The following GLRA3 variants were observed in gnomAD, a reference collection of about 807,000 sequenced individuals.
The protein encoded by GLRA3 is glycine receptor subunit alpha-3.
In GLRA3, 44 loss-of-function variants were observed where a neutral mutation model predicts 60.4. The observed-to-expected ratio is 0.73, with a 90% CI of 0.57 to 0.94. The LOEUF (loss-of-function observed/expected upper bound fraction) is 0.94. GLRA3 is among the 40% of genes least tolerant of loss of function. The pLI is 0.00. For synonymous variants in GLRA3, 223 were observed against 192.9 expected, an observed-to-expected ratio of 1.16 and a Z score of -1.29; for missense variants, 508 against 564.6, an observed-to-expected ratio of 0.90 and a Z score of 1.02.
intron 2 of GLRA3, among the ~76,000 whole-genome samples, chr4:174,776,920 C>T (rs1370176341): frequency 1.3e-5 from 2 of 152,056 alleles, no homozygotes; most frequent in Non-Finnish European, 2.9e-5. Context: ...GTTAAAATCT[C>T]CCTAAACATT....
rs139129561 is a variant in GLRA3, at chr4:174,777,245, G to C, written c.200-10215C>G. Among the ~76,000 whole-genome samples, 451 of 152,270 alleles carry C rather than the reference G, an allele frequency of 3.0e-3. 5 individuals carry two copies. The South Asian group carries it at 0.04, about 14-fold the overall frequency. ...ATGATATTAAATGTCAGTAGGCAATGAATCAACATCTGCAAACTTCTGAGC... is the reference window on the plus strand; with the variant it reads ...ATGATATTAAATGTCAGTAGGCAATCAATCAACATCTGCAAACTTCTGAGC... On this transcript the variant is annotated intron_variant, in intron 2 of 9. Transcript: ENST00000274093.
intron 3 of GLRA3, among the ~76,000 whole-genome samples, chr4:174,756,695 AG>A (rs1737714908): frequency 6.9e-6 from 1 of 144,516 alleles, no homozygotes; most frequent in African/African-American, 2.6e-5. Context: ...CCCAGGCTGG[AG>A]TGCAGTGGCG....
intron 4 of GLRA3, 141 bp from the exon 5 acceptor site, chr4:174,715,711 T>C (rs1561073477): frequency 1.9e-6 from 1 of 514,568 alleles, no homozygotes. Context: ...TCCTACTTAC[T>C]ATAAAATAGC....
chr4:174,697,040 A>G (rs545247003), intron 5 of GLRA3, among the ~76,000 whole-genome samples: 80 of 152,302 alleles, frequency 5.3e-4, no homozygotes, highest in African/African-American at 1.9e-3. Context: ...TTTAAAAATC[A>G]TAAAATCTTT....
chr4:174,713,273 C>T (rs1053217199), intron 5 of GLRA3, among the ~76,000 whole-genome samples: 3 of 152,074 alleles, frequency 2.0e-5, no homozygotes, highest in African/African-American at 7.2e-5. Flanking sequence ...TCTCTTTTCT[C>T]ATGTTGAGAA....
chr4:174,807,412 C>T lies in GLRA3; in HGVS notation c.72-18469G>A, dbSNP rs17060906. 4.2e-3 allele frequency among the ~76,000 whole-genome samples: 632 copies of T among 151,962 alleles called. 2 individuals are homozygous for T. Among genetic ancestry groups the T allele is most frequent in the African/African-American group, 0.014 (601 of 41,478 alleles). On this transcript the variant is annotated intron_variant, in intron 1 of 9. Coordinates refer to ENST00000274093, the MANE Select transcript of GLRA3 (RefSeq NM_006529.4). ...ACAACAGGAAGGAGATAACAGCAAACGAGAAATTCCTACAAGTTTTACAAG... is the reference window on the plus strand; with the variant it reads ...ACAACAGGAAGGAGATAACAGCAAATGAGAAATTCCTACAAGTTTTACAAG...
At chr4:174,685,860 T>A (rs1734536932) in intron 5 of GLRA3, among the ~76,000 whole-genome samples, 1 of 152,194 alleles carries the variant, frequency 6.6e-6, no homozygotes, top group Non-Finnish European at 1.5e-5. Flanking sequence ...TATATGAGAT[T>A]GTGTCCCAAT....
rs1253543259 is a variant in GLRA3, at chr4:174,642,190, T to G, written c.*1596A>C. On this transcript the variant is annotated 3_prime_UTR_variant, in exon 10 of 10. Transcript: ENST00000274093. Reference sequence around the variant, plus strand: ...GTTATTTTAAAAAATTACAATTGTATAAGCTGATGTACAATAACATTGTAA... The same window carrying G: ...GTTATTTTAAAAAATTACAATTGTAGAAGCTGATGTACAATAACATTGTAA... The G allele has an allele frequency of 1.2e-6, 1 of 844,718 alleles. No individual in the cohort carries two copies. Among genetic ancestry groups the G allele is most frequent in the Non-Finnish European group, 1.4e-6 (1 of 701,636 alleles). The allele number at this position is 844,718 out of a possible 1,614,324, so 52.3% of individuals were successfully genotyped here.
intron 3 of GLRA3, among the ~76,000 whole-genome samples, chr4:174,737,540 GTCTC>G (rs1389564567): frequency 1.3e-5 from 2 of 150,570 alleles, no homozygotes; most frequent in Non-Finnish European, 3.0e-5. Flanking sequence ...TGTTGAGACA[GTCTC>G]TCTCTGTCGC....
chr4:174,669,248 C>T (rs1733810930), intron 7 of GLRA3, among the ~76,000 whole-genome samples: 2 of 151,982 alleles, frequency 1.3e-5, no homozygotes, highest in Admixed American at 6.6e-5. Context: ...TTTCAAACTT[C>T]ATTAAGACCT....
chr4:174,806,396 G>A (rs1317365382), intron 1 of GLRA3, among the ~76,000 whole-genome samples: 1 of 152,048 alleles, frequency 6.6e-6, no homozygotes, highest in African/African-American at 2.4e-5. Context: ...AGATTGTTAA[G>A]ATAAGACAAA....
chr4:174,730,252 GGCA>G (rs948055986), intron 3 of GLRA3, among the ~76,000 whole-genome samples: 3 of 152,096 alleles, frequency 2.0e-5, no homozygotes, highest in Non-Finnish European at 4.4e-5. Flanking sequence ...TGTAGTCCAG[GGCA>G]CCAGGAAGCA....
At chr4:174,766,641 C>T (rs562015857) in intron 3 of GLRA3, among the ~76,000 whole-genome samples, 1 of 152,090 alleles carries the variant, frequency 6.6e-6, no homozygotes, top group East Asian at 1.9e-4. Context: ...TAAGTATTTA[C>T]TACTCTGCTT....
chr4:174,765,608 G>T (rs187447240), intron 3 of GLRA3, among the ~76,000 whole-genome samples: 15 of 152,024 alleles, frequency 9.9e-5, no homozygotes, highest in Non-Finnish European at 1.6e-4. Context: ...GACTGAATAT[G>T]TACAAATGTT....
intron 1 of GLRA3, among the ~76,000 whole-genome samples, chr4:174,807,730 A>G (rs899032761): frequency 9.2e-5 from 14 of 152,128 alleles, no homozygotes; most frequent in African/African-American, 3.1e-4. Flanking sequence ...AGATAAAAAG[A>G]TAAAGCCTTT....
At chr4:174,781,962 T>C (rs552332474) in intron 2 of GLRA3, among the ~76,000 whole-genome samples, 1 of 151,622 alleles carries the variant, frequency 6.6e-6, no homozygotes, top group Non-Finnish European at 1.5e-5. Context: ...TCCTAACTCA[T>C]TTTATGAGGC....
chr4:174,725,040 C>T (rs943550684), intron 4 of GLRA3, among the ~76,000 whole-genome samples: 2 of 152,328 alleles, frequency 1.3e-5, no homozygotes, highest in East Asian at 1.9e-4. Context: ...TGCAGGCTCA[C>T]GCCATTTGCA....
At chr4:174,804,090 A>G (rs1451895695) in intron 1 of GLRA3, among the ~76,000 whole-genome samples, 1 of 152,146 alleles carries the variant, frequency 6.6e-6, no homozygotes, top group African/African-American at 2.4e-5. Context: ...TGGTTTTGGT[A>G]TACTAAGCAA....
chr4:174,818,053 A>G (rs551373077), intron 1 of GLRA3, among the ~76,000 whole-genome samples: 1 of 152,338 alleles, frequency 6.6e-6, no homozygotes, highest in South Asian at 2.1e-4. Context: ...ACATTTTAAA[A>G]GTAGCATATT....
Sources: allele counts gnomAD v4.1 joint callset (sites outside exome capture counted in the v4.1 genomes callset), GRCh38; gene constraint gnomAD v4.1.1; transcripts MANE v1.5; gene names NCBI Gene and HGNC (gene_info 2026-07-23, HGNC 2026-07-21).